CFAP96: variants seen among roughly 807,000 people sequenced by gnomAD.
CFAP96 encodes the protein cilia and flagella associated protein 96, also known as cilia-and flagella-associated protein 96.
the CFAP96 span, among the ~76,000 whole-genome samples, chr4:185,441,248 A>G: frequency 1.3e-5 from 2 of 152,238 alleles, no homozygotes; most frequent in African/African-American, 4.8e-5. Context: ...GCAGAAGTTA[A>G]TAAGTGAGAA....
the CFAP96 span, among the ~76,000 whole-genome samples, chr4:185,420,206 A>G: frequency 6.6e-6 from 1 of 151,904 alleles, no homozygotes; most frequent in Non-Finnish European, 1.5e-5. Flanking sequence ...CTGTATGGTT[A>G]TGTCACCAAC....
the CFAP96 span, among the ~76,000 whole-genome samples, chr4:185,431,465 T>C: frequency 2.6e-5 from 4 of 152,256 alleles, no homozygotes; most frequent in Non-Finnish European, 4.4e-5. Context: ...ACATTTGGGC[T>C]ATTTTATGTT....
chr4:185,431,717 G>T, the CFAP96 span, among the ~76,000 whole-genome samples: 1 of 152,146 alleles, frequency 6.6e-6, no homozygotes, highest in African/African-American at 2.4e-5. Context: ...CATTGAATTA[G>T]ATCATTTTAA....
the CFAP96 span, among the ~76,000 whole-genome samples, chr4:185,430,542 G>T: frequency 6.6e-6 from 1 of 152,156 alleles, no homozygotes. Context: ...CCAAGTATAG[G>T]AGAAGACTTC....
chr4:185,418,892 T>C, the CFAP96 span: 12 of 753,574 alleles, frequency 1.6e-5, no homozygotes, highest in Non-Finnish European at 2.3e-5. Flanking sequence ...TATTCAATAA[T>C]AATTTCAAAA....
At chr4:185,412,091 A>G in the CFAP96 span, among the ~76,000 whole-genome samples, 51 of 151,376 alleles carry the variant, frequency 3.4e-4, no homozygotes, top group African/African-American at 1.2e-3. Flanking sequence ...TAAATTAGGG[A>G]GGAGCTCCCT....
the CFAP96 span, among the ~76,000 whole-genome samples, chr4:185,434,064 C>CAA: frequency 6.6e-6 from 1 of 151,684 alleles, no homozygotes; most frequent in African/African-American, 2.4e-5. Context: ...ACAAAATATA[C>CAA]AAAAATTAAG....
At chr4:185,419,261 A>G in the CFAP96 span, among the ~76,000 whole-genome samples, 1 of 152,044 alleles carries the variant, frequency 6.6e-6, no homozygotes, top group African/African-American at 2.4e-5. Context: ...CCTCCCGAGT[A>G]GCTGGGACTA....
chr4:185,436,649 G>A, the CFAP96 span, among the ~76,000 whole-genome samples: 2 of 151,804 alleles, frequency 1.3e-5, no homozygotes, highest in Non-Finnish European at 2.9e-5. Context: ...TACGGAGGTT[G>A]CAGTGAGCCA....
the CFAP96 span, among the ~76,000 whole-genome samples, chr4:185,436,529 G>T: frequency 6.6e-6 from 1 of 151,910 alleles, no homozygotes; most frequent in Non-Finnish European, 1.5e-5. Context: ...GACCAACATG[G>T]TGAAACCCCA....
At chr4:185,423,548 C>T in the CFAP96 span, among the ~76,000 whole-genome samples, 1 of 120,152 alleles carries the variant, frequency 8.3e-6, no homozygotes, top group African/African-American at 2.6e-5. Context: ...ACCTAACTGC[C>T]AACAATAGAT....
At chr4:185,416,862 G>A in the CFAP96 span, among the ~76,000 whole-genome samples, 2 of 152,066 alleles carry the variant, frequency 1.3e-5, no homozygotes, top group Non-Finnish European at 2.9e-5. Context: ...AAGCATCTAT[G>A]GCAGATAATA....
the CFAP96 span, among the ~76,000 whole-genome samples, chr4:185,428,420 A>G: frequency 2.0e-5 from 3 of 151,940 alleles, no homozygotes; most frequent in Non-Finnish European, 4.4e-5. Context: ...CTAAAAATAC[A>G]AAAACAGCTG....
At chr4:185,435,956 T>C in the CFAP96 span, 1 of 1,046,976 alleles carries the variant, frequency 9.6e-7, no homozygotes, top group Non-Finnish European at 1.3e-6. Context: ...TTTCTCTTTT[T>C]TTCAATCTGT....
the CFAP96 span, among the ~76,000 whole-genome samples, chr4:185,434,323 A>G: frequency 6.6e-6 from 1 of 152,122 alleles, no homozygotes; most frequent in East Asian, 1.9e-4. Flanking sequence ...ATTTATTCTT[A>G]TTATTACTAC....
the CFAP96 span, among the ~76,000 whole-genome samples, chr4:185,421,653 G>A: frequency 2.0e-5 from 3 of 152,166 alleles, no homozygotes; most frequent in African/African-American, 7.2e-5. Flanking sequence ...CTGCAGAACT[G>A]TGAGCCAAAT....
At chr4:185,425,911 A>G in the CFAP96 span, 2 of 1,580,862 alleles carry the variant, frequency 1.3e-6, no homozygotes, top group Non-Finnish European at 1.7e-6. Flanking sequence ...GCCTGCCCAA[A>G]AGTTCCGGGG....
chr4:185,434,235 AAAAAT>A, the CFAP96 span, among the ~76,000 whole-genome samples: 1 of 152,298 alleles, frequency 6.6e-6, no homozygotes, highest in Admixed American at 6.5e-5. Context: ...AAAAAAACAA[AAAAAT>A]AAAAAAGAGT....
At chr4:185,425,585 T>G in the CFAP96 span, among the ~76,000 whole-genome samples, 10 of 152,172 alleles carry the variant, frequency 6.6e-5, no homozygotes, top group Non-Finnish European at 1.2e-4. Context: ...CTTGCAAGGC[T>G]TCAAAAACGC....
Sources: gnomAD v4.1 joint callset for allele counts (sites outside exome capture counted in the v4.1 genomes callset) on GRCh38, gnomAD v4.1.1 for gene constraint, MANE v1.5 for transcripts, NCBI Gene and HGNC (gene_info 2026-07-23, HGNC 2026-07-21) for gene names.